CMTM7: variants seen among roughly 807,000 people sequenced by gnomAD.
CMTM7 encodes the protein CKLF like MARVEL transmembrane domain containing 7.
In CMTM7, 7 loss-of-function variants were observed where a neutral mutation model predicts 19.3. The ratio of observed to expected loss-of-function variants is 0.36; its 90% confidence interval spans 0.21 to 0.68. The LOEUF is 0.68. CMTM7 is among the 30% of genes least tolerant of loss of function. The pLI is 0.60. For missense variants in CMTM7, 193 were observed against 232.6 expected, an observed-to-expected ratio of 0.83 and a Z score of 1.11; for synonymous variants, 87 against 99.3, an observed-to-expected ratio of 0.88 and a Z score of 0.74.
At position 32,448,950 on chromosome 3, in the gene CMTM7, G is replaced by A. The variant is rs567928110; in HGVS notation, c.334-504G>A. ...CACACTTGGGGCCATTCACAGAGTG[G>A]GCTGACACTCCCATCAGTCACACAA... On this transcript the variant is annotated intron_variant, in intron 2 of 4. Coordinates refer to ENST00000334983, the MANE Select transcript of CMTM7 (RefSeq NM_138410.4). 3.0e-4 allele frequency among the ~76,000 whole-genome samples: 45 copies of A among 152,274 alleles called. No individual in the cohort carries two copies. The East Asian group carries it at 8.5e-3, about 29-fold the overall frequency.
At chr3:32,413,694 G>A (rs1183682312) in intron 1 of CMTM7, among the ~76,000 whole-genome samples, 1 of 152,154 alleles carries the variant, frequency 6.6e-6, no homozygotes, top group Non-Finnish European at 1.5e-5. Context: ...CCCCAGCATG[G>A]GGGTTCCTGG....
chr3:32,426,603 C>CT (rs1039734282), intron 1 of CMTM7, among the ~76,000 whole-genome samples: 2 of 150,280 alleles, frequency 1.3e-5, no homozygotes, highest in African/African-American at 4.9e-5. Context: ...TTTTTTTTTT[C>CT]TTTGCTAGGT....
At chr3:32,442,619 A>G (rs1696698145) in intron 2 of CMTM7, among the ~76,000 whole-genome samples, 1 of 151,968 alleles carries the variant, frequency 6.6e-6, no homozygotes, top group Non-Finnish European at 1.5e-5. Context: ...ACACGGAAGG[A>G]AATTGTAGGT....
rs1410157261 is a variant in CMTM7, at chr3:32,449,964, TTTG to T, written c.432+413_432+415del. On this transcript the variant is annotated intron_variant, in intron 3 of 4. Transcript: ENST00000334983. This position sits in a 1 kb window ranked among gnomAD's most constrained non-coding sequence, Gnocchi z 4.5. The stretch of plus-strand genomic sequence containing the variant: ...AGAGATACATGCCATGAGCCTGAGC[TTTG>T]CCATTCCTGATTTTTAACAGTATTC... 6.6e-6 allele frequency among the ~76,000 whole-genome samples: 1 copy of T among 152,190 alleles called. No individual in the cohort carries two copies. The highest frequency in any genetic ancestry group is 1.5e-5 in the Non-Finnish European group (1 of 68,038).
chr3:32,397,838 G>A (rs549894531), intron 1 of CMTM7, among the ~76,000 whole-genome samples: 2 of 152,076 alleles, frequency 1.3e-5, no homozygotes, highest in South Asian at 2.1e-4. Flanking sequence ...GCTTTCTCTC[G>A]GCCTTTATTC....
At chr3:32,414,478 T>C (rs181583172) in intron 1 of CMTM7, among the ~76,000 whole-genome samples, 59 of 152,298 alleles carry the variant, frequency 3.9e-4, no homozygotes, top group African/African-American at 1.2e-3. Flanking sequence ...GCACAGACCA[T>C]CTGCCCCTGA....
At chr3:32,454,130 G>A (rs1019386945) in intron 4 of CMTM7, 111 bp from the exon 5 acceptor site, 58 of 1,145,964 alleles carry the variant, frequency 5.1e-5, no homozygotes, top group Non-Finnish European at 5.0e-6. Flanking sequence ...GGCACTGGGT[G>A]GAGGACACAG....
rs566926588 is a variant in CMTM7 at position 32,440,671 on chromosome 3, G to C, written c.160-1169G>C. 6.4e-4 allele frequency among the ~76,000 whole-genome samples: 97 copies of C among 152,292 alleles called. 1 individual carries two copies. In the Middle Eastern group the frequency reaches 0.014, roughly 21 times the overall value. On this transcript the variant is annotated intron_variant, in intron 1 of 4. Transcript: ENST00000334983. ...CACACGCCTGTAATCCTAGCTACTT[G>C]AGAAGCTAAGGTGGGAGGATGACTT...
At chr3:32,415,454 C>T (rs667181) in intron 1 of CMTM7, among the ~76,000 whole-genome samples, 63,924 of 152,018 alleles carry the variant, frequency 0.42, 13,734 homozygotes, top group South Asian at 0.48. Flanking sequence ...TAGGCCCTCC[C>T]GTTGGGATTA....
chr3:32,435,917 A>G (rs1275618103), intron 1 of CMTM7, among the ~76,000 whole-genome samples: 1 of 152,248 alleles, frequency 6.6e-6, no homozygotes, highest in African/African-American at 2.4e-5. Flanking sequence ...TTTTAAAACT[A>G]CTAAATATCA....
chr3:32,413,443 G>A (rs965108606), intron 1 of CMTM7, among the ~76,000 whole-genome samples: 12 of 152,152 alleles, frequency 7.9e-5, no homozygotes, highest in African/African-American at 2.7e-4. Context: ...TTTATTAACT[G>A]TTATAAGATT....
At chr3:32,402,349 T>C (rs1696022817) in intron 1 of CMTM7, among the ~76,000 whole-genome samples, 1 of 152,116 alleles carries the variant, frequency 6.6e-6, no homozygotes, top group South Asian at 2.1e-4. Context: ...TGACCTCAAG[T>C]GATCCACCCG....
intron 1 of CMTM7, among the ~76,000 whole-genome samples, chr3:32,418,552 G>T (rs1696299745): frequency 6.6e-6 from 1 of 152,138 alleles, no homozygotes; most frequent in Admixed American, 6.5e-5. Flanking sequence ...TTAGGTCTGT[G>T]ATCCGTTTTG....
chr3:32,399,338 T>C (rs1159315731), intron 1 of CMTM7, among the ~76,000 whole-genome samples: 1 of 151,312 alleles, frequency 6.6e-6, no homozygotes. Flanking sequence ...AGAATAGTAA[T>C]GCAAACTGGA....
chr3:32,447,883 C>G (rs770906603), intron 2 of CMTM7, among the ~76,000 whole-genome samples: 12 of 152,198 alleles, frequency 7.9e-5, no homozygotes, highest in Admixed American at 1.3e-4. Context: ...ACCTCTGCAT[C>G]TTGATTAGAT....
intron 1 of CMTM7, among the ~76,000 whole-genome samples, chr3:32,417,447 G>A (rs1347684094): frequency 2.0e-5 from 3 of 152,222 alleles, no homozygotes; most frequent in African/African-American, 7.2e-5. Context: ...ATATGGATAT[G>A]TGTGTGTTCA....
rs1696800892 is a variant in CMTM7, at chr3:32,449,602, T to A, written c.432+50T>A. 7.2e-7 allele frequency: 1 copy of A among 1,391,118 alleles called. No individual in the cohort carries two copies. Among genetic ancestry groups the A allele is most frequent in the Admixed American group, 1.7e-5 (1 of 59,724 alleles). 86.2% of individuals were successfully genotyped at this position (1,391,118 alleles called of 1,614,324 possible). On this transcript the variant is annotated intron_variant, in intron 3 of 4. Coordinates refer to ENST00000334983, the MANE Select transcript of CMTM7 (RefSeq NM_138410.4). This position sits in a 1 kb window ranked among gnomAD's most constrained non-coding sequence, Gnocchi z 4.5. ...AGGAATGAATTCTTATTTAAAATGCTCATTTTCTTCCTGATGGGGGAAGAG... is the reference window on the plus strand; with the variant it reads ...AGGAATGAATTCTTATTTAAAATGCACATTTTCTTCCTGATGGGGGAAGAG...
At chr3:32,395,998 T>C (rs998066772) in intron 1 of CMTM7, among the ~76,000 whole-genome samples, 2 of 152,094 alleles carry the variant, frequency 1.3e-5, no homozygotes, top group African/African-American at 4.8e-5. Context: ...ACCATATAGA[T>C]AACCATGAAA....
At chr3:32,433,339 C>T (rs1163201241) in intron 1 of CMTM7, among the ~76,000 whole-genome samples, 5 of 152,220 alleles carry the variant, frequency 3.3e-5, no homozygotes, top group Non-Finnish European at 5.9e-5. Flanking sequence ...TACAGACCAT[C>T]GGTCTGGGCT....
Sources: gnomAD v4.1 joint callset for allele counts (sites outside exome capture counted in the v4.1 genomes callset) on GRCh38, gnomAD v4.1.1 for gene constraint, Gnocchi (gnomAD v3.1) non-coding constraint, MANE v1.5 for transcripts, NCBI Gene and HGNC (gene_info 2026-07-23, HGNC 2026-07-21) for gene names.